The following PPP1R11 variants were observed in gnomAD, a reference collection of about 807,000 sequenced individuals.
PPP1R11 encodes E3 ubiquitin-protein ligase PPP1R11.
Under a neutral mutation model 11.3 loss-of-function variants are expected in PPP1R11, and 10 were observed. That is an observed-to-expected ratio of 0.88 (90% CI 0.55 to 1.50). The LOEUF (loss-of-function observed/expected upper bound fraction) is 1.50. Among genes scored for constraint, PPP1R11 ranks in the 40% most tolerant of loss-of-function variants. The pLI is 0.00. For synonymous variants in PPP1R11, 56 were observed against 62.3 expected, an observed-to-expected ratio of 0.90 and a Z score of 0.48; for missense variants, 114 against 179.1, an observed-to-expected ratio of 0.64 and a Z score of 2.07.
chr6:30,064,803 C>A, upstream of PPP1R11: 2 of 986,358 alleles, frequency 2.0e-6, no homozygotes, highest in Non-Finnish European at 3.1e-6. Context: ...GTTTTGCTCC[C>A]AGAAGAGAAT....
rs751716357 is a variant in PPP1R11, at chr6:30,068,596, C to G, written c.76C>G (p.Arg26Gly). ...TVTVTTEPENRSLTIKLRKRK... is the reference protein window; with the variant it reads ...TVTVTTEPENGSLTIKLRKRK... ...CTCATCCTTAACCTTCTAGGAGAAC[C>G]GGAGCCTTACCATCAAACTTCGGAA... is the stretch of plus-strand genomic sequence containing the variant. The change falls in exon 2 of 3, where the codon CGG becomes GGG. Residue 26 changes from arginine to glycine, a missense_variant. By Grantham distance (125) the Arg-to-Gly change is moderately radical. Coordinates refer to ENST00000376772, the MANE Select transcript of PPP1R11 (RefSeq NM_021959.3). The G allele has an allele frequency of 2.5e-6, 4 of 1,611,774 alleles. No homozygotes were observed. The highest frequency in any genetic ancestry group is 3.4e-6 in the Non-Finnish European group (4 of 1,179,658).
chr6:30,067,519 G>T (rs1297253072), intron 1 of PPP1R11, 40 bp downstream of exon 1: 1 of 1,585,572 alleles, frequency 6.3e-7, no homozygotes, highest in South Asian at 1.1e-5. Context: ...AGGGGTCTGG[G>T]AGATACTGGG....
chr6:30,069,355 C>A lies in PPP1R11; in HGVS notation c.*49C>A. 1 of 1,397,350 alleles carries A rather than the reference C, an allele frequency of 7.2e-7. No homozygotes were observed. Among genetic ancestry groups the A allele is most frequent in the South Asian group, 1.4e-5 (1 of 70,790 alleles). 86.6% of individuals were successfully genotyped at this position (1,397,350 alleles called of 1,614,324 possible). A position where few individuals can be genotyped will look rare whatever the true frequency, so the allele number is the denominator to read the frequency against. ...TGTGTCTGTCTGGCCCTAAATGTAT[C>A]CATGTGGCTACTTCTCCAGCCCCCT... On this transcript the variant is annotated 3_prime_UTR_variant, in exon 3 of 3. Coordinates refer to ENST00000376772, the MANE Select transcript of PPP1R11 (RefSeq NM_021959.3). This position sits in a 1 kb window ranked among gnomAD's most constrained non-coding sequence, Gnocchi z 6.6.
chr6:30,069,599 GTTATC>G lies in PPP1R11; in HGVS notation c.*296_*300del. The stretch of plus-strand genomic sequence containing the variant: ...GCCAAACTGCCTGTCCTGGGATCTA[GTTATC>G]TTGGCCCTGCACTCTCAACATGAGT... On this transcript the variant is annotated 3_prime_UTR_variant, in exon 3 of 3. Coordinates refer to ENST00000376772, the MANE Select transcript of PPP1R11 (RefSeq NM_021959.3). The surrounding 1 kb of genome is among the most constrained non-coding windows in gnomAD (Gnocchi z 6.6). 1 of 389,598 alleles carries G rather than the reference GTTATC, an allele frequency of 2.6e-6. No homozygotes were observed. The allele number at this position is 389,598 out of a possible 1,614,324, so 24.1% of individuals were successfully genotyped here.
At chr6:30,065,306 C>T (rs1765421322), upstream of PPP1R11, among the ~76,000 whole-genome samples, 1 of 152,244 alleles carries the variant, frequency 6.6e-6, no homozygotes, top group East Asian at 1.9e-4. This position sits in a 1 kb window ranked among gnomAD's most constrained non-coding sequence, Gnocchi z 5.3. Flanking sequence ...CTTGAGTCTA[C>T]ATATATGTGG....
upstream of PPP1R11, among the ~76,000 whole-genome samples, chr6:30,062,543 ATTTTTTTTTTTTT>A (rs9278553): frequency 1.5e-5 from 1 of 64,990 alleles, no homozygotes; most frequent in South Asian, 7.5e-4. Context: ...ACCTTTTAGG[ATTTTTTTTTTTTT>A]TTTTTTTTTT....
chr6:30,061,936 G>A (rs1175056401), upstream of PPP1R11: 1 of 1,613,010 alleles, frequency 6.2e-7, no homozygotes, highest in Non-Finnish European at 8.5e-7. The surrounding 1 kb of genome is among the most constrained non-coding windows in gnomAD (Gnocchi z 5.0). Context: ...GGAAGGTTGT[G>A]AAGACTTCGG....
upstream of PPP1R11, among the ~76,000 whole-genome samples, chr6:30,062,513 TTTTA>T (rs1172064221): frequency 1.7e-4 from 25 of 151,128 alleles, no homozygotes; most frequent in Admixed American, 2.6e-4. Context: ...TTTTAAACCT[TTTTA>T]TAACCAGTGA....
chr6:30,066,060 C>T (rs891645708), upstream of PPP1R11, among the ~76,000 whole-genome samples: 7 of 152,188 alleles, frequency 4.6e-5, no homozygotes, highest in Non-Finnish European at 1.0e-4. Context: ...GCAGGGCAGT[C>T]TTCCCCACTG....
Position 30,070,191 on chromosome 6 carries a change from C to G in PPP1R11, c.*885C>G, listed in dbSNP as rs186201160. The G allele has an allele frequency of 8.0e-4, 123 of 153,394 alleles. No homozygotes were observed. Among genetic ancestry groups the G allele is most frequent in the African/African-American group, 2.8e-3 (116 of 41,578 alleles). 9.5% of individuals were successfully genotyped at this position (153,394 alleles called of 1,614,324 possible). The stretch of plus-strand genomic sequence containing the variant: ...CCCAGATGTTCAGTTCTCTTGGCCC[C>G]TCTCTACCCCTTACTGGGATCCGGT... On this transcript the variant is annotated 3_prime_UTR_variant, in exon 3 of 3. Transcript: ENST00000376772.
intron 1 of PPP1R11, 85 bp downstream of exon 1, chr6:30,067,564 G>A (rs9261281): frequency 0.035 from 52,663 of 1,497,424 alleles, 1,070 homozygotes; most frequent in Middle Eastern, 0.048. Context: ...GTTGTTGGAG[G>A]AGCTAGGCCT....
At chr6:30,067,937 G>T (rs1765658604) in intron 1 of PPP1R11, among the ~76,000 whole-genome samples, 2 of 151,364 alleles carry the variant, frequency 1.3e-5, no homozygotes, top group Non-Finnish European at 2.9e-5. Flanking sequence ...ATGAAAAGAG[G>T]TATTTTGAGA....
the PPP1R11 span, chr6:30,061,597 T>G: frequency 6.2e-7 from 1 of 1,613,102 alleles, no homozygotes; most frequent in East Asian, 2.2e-5. The surrounding 1 kb of genome is among the most constrained non-coding windows in gnomAD (Gnocchi z 5.0). Context: ...AGATTGCGGC[T>G]CGGTCCTGCC....
chr6:30,063,896 G>A (rs185753367), upstream of PPP1R11, among the ~76,000 whole-genome samples: 26 of 152,298 alleles, frequency 1.7e-4, no homozygotes, highest in African/African-American at 5.3e-4. This position sits in a 1 kb window ranked among gnomAD's most constrained non-coding sequence, Gnocchi z 4.1. Flanking sequence ...ATTCTCAGGA[G>A]AGAGTTTTCT....
upstream of PPP1R11, among the ~76,000 whole-genome samples, chr6:30,063,266 T>C (rs1765262278): frequency 6.6e-6 from 1 of 152,112 alleles, no homozygotes; most frequent in Non-Finnish European, 1.5e-5. The surrounding 1 kb of genome is among the most constrained non-coding windows in gnomAD (Gnocchi z 4.1). Flanking sequence ...GAAAGAGGTT[T>C]CTCTCTTCTG....
intron 1 of PPP1R11, 130 bp downstream of exon 1, chr6:30,067,609 G>T: frequency 8.4e-7 from 1 of 1,184,770 alleles, no homozygotes; most frequent in Non-Finnish European, 1.2e-6. Flanking sequence ...AATATCTAGG[G>T]CTGGGAGAAT....
chr6:30,067,212 C>A lies in PPP1R11; in HGVS notation c.-199C>A. The A allele has an allele frequency of 1.8e-6, 1 of 540,904 alleles. No homozygotes were observed. The highest frequency in any genetic ancestry group is 3.3e-6 in the Non-Finnish European group (1 of 300,078). 33.5% of individuals were successfully genotyped at this position (540,904 alleles called of 1,614,324 possible). ...CTGCAGTATGCGTCACACCCGGAAG[C>A]GGCGAGCCGGAAGTGGGGTTAGCCA... On this transcript the variant is annotated 5_prime_UTR_variant, in exon 1 of 3. Transcript: ENST00000376772.
At position 30,070,086 on chromosome 6, in the gene PPP1R11, G is replaced by T. The variant is rs1392201313; in HGVS notation, c.*780G>T. The T allele has an allele frequency of 6.6e-6, 1 of 152,248 alleles. No homozygotes were observed. The highest frequency in any genetic ancestry group is 1.5e-5 in the Non-Finnish European group (1 of 68,104). 9.4% of individuals were successfully genotyped at this position (152,248 alleles called of 1,614,324 possible). A position where few individuals can be genotyped will look rare whatever the true frequency, so the allele number is the denominator to read the frequency against. ...GGGTCTCTGGGAGAGGAAGGAAGAG[G>T]GAGGGAGCAAAGAGATTGGGGTATG... On this transcript the variant is annotated 3_prime_UTR_variant, in exon 3 of 3. Coordinates refer to ENST00000376772, the MANE Select transcript of PPP1R11 (RefSeq NM_021959.3).
intron 1 of PPP1R11, 41 bp downstream of exon 1, chr6:30,067,520 AGATACTGG>A (rs772241201): frequency 6.3e-7 from 1 of 1,584,524 alleles, no homozygotes; most frequent in South Asian, 1.1e-5. Context: ...GGGGTCTGGG[AGATACTGG>A]GAGGGAGGGG....
Sources: gnomAD v4.1 joint callset for allele counts (sites outside exome capture counted in the v4.1 genomes callset) on GRCh38, gnomAD v4.1.1 for gene constraint, Gnocchi (gnomAD v3.1) non-coding constraint, MANE v1.5 for transcripts, NCBI Gene and HGNC (gene_info 2026-07-23, HGNC 2026-07-21) for gene names.